FMNL2: variants seen among roughly 807,000 people sequenced by gnomAD.
FMNL2 encodes the protein formin like 2.
In FMNL2, 51 loss-of-function variants were observed where a neutral mutation model predicts 130.2. The observed-to-expected ratio is 0.39, with a 90% CI of 0.31 to 0.49. The LOEUF is 0.49. FMNL2 is among the 20% of genes least tolerant of loss of function. The pLI, the probability that FMNL2 is intolerant of heterozygous loss-of-function variation, is 0.85. For missense variants in FMNL2, 977 were observed against 1,316.2 expected (o/e 0.74, Z 3.99); for synonymous variants, 465 against 467.1 (o/e 1.00, Z 0.06).
At chr2:152,363,540 G>C (rs1362827301) in intron 1 of FMNL2, among the ~76,000 whole-genome samples, 1 of 151,614 alleles carries the variant, frequency 6.6e-6, no homozygotes, top group Non-Finnish European at 1.5e-5. Context: ...TCAGTGGCAG[G>C]CTCAGTGAGT....
At chr2:152,581,634 G>A (rs1268253557) in intron 9 of FMNL2, among the ~76,000 whole-genome samples, 1 of 152,108 alleles carries the variant, frequency 6.6e-6, no homozygotes, top group African/African-American at 2.4e-5. Flanking sequence ...TCACCGCCGC[G>A]GGCCCTGCCC....
chr2:152,605,757 T>G (rs1189090144), intron 9 of FMNL2, among the ~76,000 whole-genome samples: 2 of 152,210 alleles, frequency 1.3e-5, no homozygotes, highest in East Asian at 3.8e-4. Flanking sequence ...AATGGTGGTC[T>G]GAATCTGTTG....
intron 14 of FMNL2, 61 bp from the exon 15 acceptor site, chr2:152,619,448 T>A (rs1206049415): frequency 6.5e-7 from 1 of 1,546,856 alleles, no homozygotes; most frequent in East Asian, 2.4e-5. Context: ...TGCACATGGC[T>A]TATTGCAGGA....
At chr2:152,489,698 A>G (rs1224208958) in intron 1 of FMNL2, among the ~76,000 whole-genome samples, 2 of 152,180 alleles carry the variant, frequency 1.3e-5, no homozygotes, top group Non-Finnish European at 2.9e-5. Context: ...TGGATGTGGG[A>G]CGTAGAATGT....
chr2:152,605,234 C>G (rs1698298712), intron 9 of FMNL2, among the ~76,000 whole-genome samples: 1 of 152,108 alleles, frequency 6.6e-6, no homozygotes, highest in Admixed American at 6.6e-5. Context: ...CCGTGTCCCC[C>G]CAGCACCACC....
At chr2:152,495,124 A>T (rs917828978) in intron 1 of FMNL2, among the ~76,000 whole-genome samples, 1 of 152,188 alleles carries the variant, frequency 6.6e-6, no homozygotes, top group Non-Finnish European at 1.5e-5. Context: ...TATTCTATAT[A>T]TTACAAAGCC....
At chr2:152,519,494 T>C (rs1692955290) in intron 1 of FMNL2, among the ~76,000 whole-genome samples, 1 of 152,262 alleles carries the variant, frequency 6.6e-6, no homozygotes, top group African/African-American at 2.4e-5. Context: ...CCTGTGGCGA[T>C]GTTTGCCAAG....
At chr2:152,647,733 G>GAAA (rs1272208115) in intron 25 of FMNL2, 63 bp from the exon 26 acceptor site, 1 of 1,531,114 alleles carries the variant, frequency 6.5e-7, no homozygotes, top group Non-Finnish European at 9.0e-7. Flanking sequence ...GCTGGCCTTT[G>GAAA]TCCTGCTTAG....
chr2:152,639,736 A>G (rs1344057727), intron 23 of FMNL2, among the ~76,000 whole-genome samples: 1 of 152,102 alleles, frequency 6.6e-6, no homozygotes, highest in African/African-American at 2.4e-5. Flanking sequence ...TCAGGAAAGG[A>G]CTTCTGGATG....
At chr2:152,645,165 G>A (rs1281851328) in intron 25 of FMNL2, among the ~76,000 whole-genome samples, 1 of 152,180 alleles carries the variant, frequency 6.6e-6, no homozygotes, top group Non-Finnish European at 1.5e-5. Context: ...CTTGGCTGAT[G>A]TTTGCTGTCA....
At chr2:152,517,511 A>G (rs942928287) in intron 1 of FMNL2, among the ~76,000 whole-genome samples, 9 of 152,208 alleles carry the variant, frequency 5.9e-5, no homozygotes, top group African/African-American at 2.2e-4. Flanking sequence ...TATTAGAGAC[A>G]TGTAAACAGT....
At chr2:152,574,966 A>G (rs1445954895) in intron 6 of FMNL2, among the ~76,000 whole-genome samples, 170 bp from the exon 7 acceptor site, 1 of 152,192 alleles carries the variant, frequency 6.6e-6, no homozygotes, top group Non-Finnish European at 1.5e-5. Flanking sequence ...GTGACACATT[A>G]TAAAGCTGTA....
At chr2:152,640,685 TGGCCGAAGC>T in intron 24 of FMNL2, 97 bp from the exon 25 acceptor site, 2 of 1,369,054 alleles carry the variant, frequency 1.5e-6, no homozygotes, top group Non-Finnish European at 2.0e-6. Flanking sequence ...TGTGTGTTTT[TGGCCGAAGC>T]TGCTTATTAG....
Position 152,647,969 on chromosome 2 carries a change from G to A in FMNL2, c.*64G>A. On this transcript the variant is annotated 3_prime_UTR_variant, in exon 26 of 26. Transcript: ENST00000288670. Reference sequence around the variant, plus strand: ...ATGAAACTGCCCACATGAACTTTATGTGCTACGATTTAACTGCAGCCTTGA... The same window carrying A: ...ATGAAACTGCCCACATGAACTTTATATGCTACGATTTAACTGCAGCCTTGA... 1.5e-6 allele frequency: 2 copies of A among 1,334,264 alleles called. No individual in the cohort carries two copies. Among genetic ancestry groups the A allele is most frequent in the Admixed American group, 2.1e-5 (1 of 48,354 alleles). 82.7% of individuals were successfully genotyped at this position (1,334,264 alleles called of 1,614,324 possible). A position where few individuals can be genotyped will look rare whatever the true frequency, so the allele number is the denominator to read the frequency against.
chr2:152,437,964 C>T (rs528521545), intron 1 of FMNL2, among the ~76,000 whole-genome samples: 6 of 152,224 alleles, frequency 3.9e-5, no homozygotes, highest in South Asian at 4.2e-4. Flanking sequence ...ATGAAATGTG[C>T]GCTTGAAATG....
chr2:152,362,659 T>C (rs1683248318), intron 1 of FMNL2, among the ~76,000 whole-genome samples: 1 of 152,036 alleles, frequency 6.6e-6, no homozygotes, highest in Non-Finnish European at 1.5e-5. Context: ...GTCATAATCA[T>C]CCATAATCAT....
rs193124561 is a variant in FMNL2 at position 152,578,073 on chromosome 2, G to T, written c.706-815G>T. On this transcript the variant is annotated intron_variant, in intron 7 of 25. Transcript: ENST00000288670. Reference sequence around the variant, plus strand: ...ATGCGAGGGAATGGGATGGAGGAAGGACTCATGGGAGGGGTTGGCCTTAGT... The same window carrying T: ...ATGCGAGGGAATGGGATGGAGGAAGTACTCATGGGAGGGGTTGGCCTTAGT... Among the ~76,000 whole-genome samples the T allele has an allele frequency of 2.4e-3, 361 of 152,320 alleles. 1 individual carries two copies. Among genetic ancestry groups the T allele is most frequent in the Non-Finnish European group, 4.5e-3 (307 of 68,018 alleles).
At chr2:152,502,865 A>G (rs1187528629) in intron 1 of FMNL2, among the ~76,000 whole-genome samples, 1 of 152,116 alleles carries the variant, frequency 6.6e-6, no homozygotes, top group Non-Finnish European at 1.5e-5. Flanking sequence ...GTGAGGCTAT[A>G]TTGAGAGAAG....
intron 1 of FMNL2, among the ~76,000 whole-genome samples, chr2:152,433,319 T>C (rs958597222): frequency 3.3e-5 from 5 of 152,184 alleles, no homozygotes; most frequent in Non-Finnish European, 7.3e-5. Context: ...AGAGTGTAGG[T>C]TGTCTTACAG....
Sources: gnomAD v4.1 joint callset for allele counts (sites outside exome capture counted in the v4.1 genomes callset) on GRCh38, gnomAD v4.1.1 for gene constraint, MANE v1.5 for transcripts, NCBI Gene and HGNC (gene_info 2026-07-23, HGNC 2026-07-21) for gene names.